Variants in GLT1D1 observed in about 807,000 individuals in gnomAD.
The protein encoded by GLT1D1 is glycosyltransferase 1 domain-containing protein 1.
A neutral mutation model predicts 28.7 loss-of-function variants in GLT1D1; 21 were observed. The observed-to-expected ratio is 0.73, with a 90% CI of 0.52 to 1.05. GLT1D1 has a LOEUF of 1.05. Among genes scored for constraint, GLT1D1 ranks in the 50% least tolerant of loss-of-function variants. The probability of loss-of-function intolerance (pLI) is 0.00; values close to 1 mark genes in which losing one functional copy is unlikely to be tolerated. For synonymous variants in GLT1D1, 147 were observed against 124.8 expected (o/e 1.18, Z -1.19); for missense variants, 343 against 330.6 (o/e 1.04, Z -0.29).
intron 7 of GLT1D1, among the ~76,000 whole-genome samples, chr12:128,975,769 G>C (rs1009849944): frequency 1.3e-5 from 2 of 152,098 alleles, no homozygotes; most frequent in African/African-American, 4.8e-5. Flanking sequence ...GGCTGTTTTT[G>C]ATACTTATTT....
In GLT1D1 at chr12:128,889,450, C is replaced by A. The variant is rs571625595; in HGVS notation, c.323+706C>A. 1.5e-4 allele frequency among the ~76,000 whole-genome samples: 23 copies of A among 152,248 alleles called. No homozygotes were observed. The South Asian group carries it at 4.4e-3, about 29-fold the overall frequency. On this transcript the variant is annotated intron_variant, in intron 3 of 7. Transcript: ENST00000281703. ...TTCTTACAGGGGTCACTGTGATAAT[C>A]CTGGGGGCTGCCCTGCACGTCTCTG...
rs548954357 is a variant in GLT1D1, at chr12:128,931,527, C to T, written c.376-13799C>T. ...TTCACCATGTTGGCCAGGCTGGTCT[C>T]GAACTCCTGACCTCCGGTGATCCGC... On this transcript the variant is annotated intron_variant, in intron 4 of 7. Transcript: ENST00000281703. Among the ~76,000 whole-genome samples the T allele has an allele frequency of 7.2e-5, 11 of 152,102 alleles. No individual in the cohort carries two copies. In the South Asian group the frequency reaches 2.3e-3, roughly 32 times the overall value.
intron 7 of GLT1D1, among the ~76,000 whole-genome samples, chr12:128,972,128 A>G (rs1465646542): frequency 3.9e-5 from 6 of 152,032 alleles, no homozygotes; most frequent in Non-Finnish European, 8.8e-5. Context: ...GGGCAAAGCC[A>G]TGAGACGACC....
intron 7 of GLT1D1, among the ~76,000 whole-genome samples, chr12:128,980,833 G>A (rs1433386882): frequency 1.3e-5 from 2 of 152,226 alleles, no homozygotes; most frequent in African/African-American, 4.8e-5. Flanking sequence ...GGGGCGGGGT[G>A]GGGAATAGAC....
chr12:128,963,663 G>GT (rs1000037063), intron 7 of GLT1D1, among the ~76,000 whole-genome samples: 4 of 152,024 alleles, frequency 2.6e-5, no homozygotes, highest in Non-Finnish European at 4.4e-5. Context: ...ACAAAAAGGT[G>GT]TTTTTTTCTC....
chr12:128,937,940 G>A (rs150330738), intron 4 of GLT1D1, among the ~76,000 whole-genome samples: 2 of 152,280 alleles, frequency 1.3e-5, no homozygotes, highest in South Asian at 4.1e-4. Context: ...TATTAACAGT[G>A]CGAGAACAGA....
intron 2 of GLT1D1, among the ~76,000 whole-genome samples, chr12:128,879,387 T>TTTCC (rs1956957468): frequency 2.2e-5 from 1 of 46,114 alleles, no homozygotes; most frequent in African/African-American, 9.6e-5. Context: ...TTTTTCTTTC[T>TTTCC]TTCTTTCTTT....
chr12:128,859,489 G>T (rs1358418291), intron 1 of GLT1D1, among the ~76,000 whole-genome samples: 1 of 152,178 alleles, frequency 6.6e-6, no homozygotes, highest in Non-Finnish European at 1.5e-5. Flanking sequence ...CACTAGTGTT[G>T]GGGGCTACTG....
At chr12:128,946,688 A>C (rs1490772428) in intron 5 of GLT1D1, among the ~76,000 whole-genome samples, 1 of 94,362 alleles carries the variant, frequency 1.1e-5, no homozygotes, top group Non-Finnish European at 1.9e-5. Context: ...TTGCTCTGTC[A>C]TCCAGGCTGG....
intron 2 of GLT1D1, among the ~76,000 whole-genome samples, chr12:128,881,944 G>C (rs1957069929): frequency 6.6e-6 from 1 of 151,854 alleles, no homozygotes; most frequent in Non-Finnish European, 1.5e-5. Context: ...ACAATATCAT[G>C]ATGAACAGCC....
At chr12:128,909,699 G>GT (rs1871330194) in intron 4 of GLT1D1, among the ~76,000 whole-genome samples, 1 of 152,228 alleles carries the variant, frequency 6.6e-6, no homozygotes, top group African/African-American at 2.4e-5. Flanking sequence ...TTCTTTGGTT[G>GT]ATGTTATTTC....
chr12:128,905,343 G>A (rs1211669857), intron 4 of GLT1D1, among the ~76,000 whole-genome samples: 1 of 152,236 alleles, frequency 6.6e-6, no homozygotes, highest in East Asian at 1.9e-4. Flanking sequence ...GCCACGTGTG[G>A]CGAGGGCTGT....
intron 4 of GLT1D1, among the ~76,000 whole-genome samples, chr12:128,907,937 C>T (rs1871052611): frequency 6.6e-6 from 1 of 152,136 alleles, no homozygotes; most frequent in Admixed American, 6.5e-5. Context: ...GTTGTTTACT[C>T]CATACATTTA....
intron 7 of GLT1D1, among the ~76,000 whole-genome samples, chr12:128,958,830 CTTTTTTTTTTTTTT>C (rs71072432): frequency 2.4e-5 from 2 of 83,856 alleles, no homozygotes; most frequent in Admixed American, 3.7e-4. Flanking sequence ...AAATAAAAAT[CTTTTTTTTTTTTTT>C]TTTTTTTTTA....
At chr12:128,973,995 C>T (rs1003656581) in intron 7 of GLT1D1, among the ~76,000 whole-genome samples, 1 of 147,714 alleles carries the variant, frequency 6.8e-6, no homozygotes, top group Admixed American at 6.9e-5. Flanking sequence ...CATGCAGCAG[C>T]GGTGCTCAGA....
intron 7 of GLT1D1, among the ~76,000 whole-genome samples, chr12:128,964,723 G>A (rs1878291515): frequency 6.6e-6 from 1 of 152,200 alleles, no homozygotes; most frequent in African/African-American, 2.4e-5. Flanking sequence ...ACCCTGGCAT[G>A]TTGTGTTATT....
intron 7 of GLT1D1, among the ~76,000 whole-genome samples, chr12:128,964,154 G>A (rs1243833984): frequency 2.6e-5 from 4 of 152,214 alleles, no homozygotes; most frequent in Non-Finnish European, 5.9e-5. Flanking sequence ...ACTTTGGGAG[G>A]CCAGATTGCT....
At chr12:128,976,622 C>A (rs768671682) in intron 7 of GLT1D1, among the ~76,000 whole-genome samples, 12 of 152,204 alleles carry the variant, frequency 7.9e-5, no homozygotes, top group Non-Finnish European at 1.8e-4. Flanking sequence ...AAGAGTTTTC[C>A]TGTGATTGAC....
At chr12:128,905,776 T>G (rs557974435) in intron 4 of GLT1D1, among the ~76,000 whole-genome samples, 2 of 152,144 alleles carry the variant, frequency 1.3e-5, no homozygotes, top group Non-Finnish European at 2.9e-5. Context: ...AGGTTATGTT[T>G]TGGGATGGCA....
Sources: allele counts gnomAD v4.1 joint callset (sites outside exome capture counted in the v4.1 genomes callset), GRCh38; gene constraint gnomAD v4.1.1; transcripts MANE v1.5; gene names NCBI Gene and HGNC (gene_info 2026-07-23, HGNC 2026-07-21).